Variants in SETDB1 observed in about 807,000 individuals in gnomAD.
SETDB1 encodes histone-lysine N-methyltransferase SETDB1.
Under a neutral mutation model 137.4 loss-of-function variants are expected in SETDB1, and 31 were observed. That is an observed-to-expected ratio of 0.23 (90% CI 0.17 to 0.30). The LOEUF is 0.30. Among genes scored for constraint, SETDB1 ranks in the 10% least tolerant of loss-of-function variants. SETDB1 has a pLI of 1.00. For synonymous variants in SETDB1, 548 were observed against 579.9 expected, an observed-to-expected ratio of 0.95 and a Z score of 0.79; for missense variants, 1,113 against 1,631.5, an observed-to-expected ratio of 0.68 and a Z score of 5.47.
At chr1:150,956,465 GT>G (rs1479459859) in intron 14 of SETDB1, among the ~76,000 whole-genome samples, 7 of 152,074 alleles carry the variant, frequency 4.6e-5, no homozygotes, top group Non-Finnish European at 1.0e-4. Flanking sequence ...GTTTCATGTG[GT>G]AATAATGACA....
chr1:150,952,834 C>A (rs1472279442), intron 14 of SETDB1, among the ~76,000 whole-genome samples: 1 of 152,094 alleles, frequency 6.6e-6, no homozygotes, highest in African/African-American at 2.4e-5. Context: ...TTGTGGTGAG[C>A]TAAGATCGCA....
intron 8 of SETDB1, 99 bp downstream of exon 8, chr1:150,944,092 C>T (rs756186222): frequency 1.1e-6 from 1 of 875,856 alleles, no homozygotes. Context: ...TTTGGTATTT[C>T]AGTCTCAAAG....
chr1:150,927,630 A>G, intron 1 of SETDB1, 74 bp from the exon 2 acceptor site: 3 of 1,354,574 alleles, frequency 2.2e-6, no homozygotes, highest in African/African-American at 1.4e-5. Flanking sequence ...TAGTTTTATT[A>G]GGGAACTGAA....
intron 14 of SETDB1, among the ~76,000 whole-genome samples, chr1:150,958,093 G>A (rs1223992420): frequency 6.6e-6 from 1 of 151,622 alleles, no homozygotes; most frequent in Non-Finnish European, 1.5e-5. Context: ...GGCTGAGGCA[G>A]GAGAATCACT....
At chr1:150,963,828 TTA>T in intron 20 of SETDB1, 87 bp downstream of exon 20, 8 of 1,392,990 alleles carry the variant, frequency 5.7e-6, no homozygotes, top group Non-Finnish European at 7.1e-6. Flanking sequence ...CCTTTTCTTG[TTA>T]TAAACTCTTG....
chr1:150,957,930 T>C (rs1239522184), intron 14 of SETDB1, among the ~76,000 whole-genome samples: 1 of 152,162 alleles, frequency 6.6e-6, no homozygotes, highest in Non-Finnish European at 1.5e-5. Context: ...CTCACACCTG[T>C]ACTCCCAGCC....
At chr1:150,938,124 G>A (rs1156366655) in intron 3 of SETDB1, among the ~76,000 whole-genome samples, 2 of 151,456 alleles carry the variant, frequency 1.3e-5, no homozygotes, top group African/African-American at 4.9e-5. Flanking sequence ...ATGAGACTGA[G>A]CCAGAAGAAT....
At chr1:150,945,575 T>C (rs1424103075) in intron 9 of SETDB1, among the ~76,000 whole-genome samples, 1 of 152,230 alleles carries the variant, frequency 6.6e-6, no homozygotes, top group African/African-American at 2.4e-5. Context: ...TTTAAAAACA[T>C]TTTTTAATAC....
At chr1:150,938,761 C>T (rs587643930) in intron 3 of SETDB1, among the ~76,000 whole-genome samples, 1 of 152,064 alleles carries the variant, frequency 6.6e-6, no homozygotes, top group African/African-American at 2.4e-5. Flanking sequence ...ACCTTGGCCT[C>T]CCAAAGTGCT....
chr1:150,949,042 A>T, intron 10 of SETDB1, 80 bp from the exon 11 acceptor site: 4 of 1,344,630 alleles, frequency 3.0e-6, no homozygotes, highest in Non-Finnish European at 4.1e-6. Flanking sequence ...TATATTGTAT[A>T]AGTTAAGGAT....
chr1:150,956,320 A>G (rs1670639567), intron 14 of SETDB1, among the ~76,000 whole-genome samples: 1 of 149,964 alleles, frequency 6.7e-6, no homozygotes, highest in Non-Finnish European at 1.5e-5. Flanking sequence ...CGCGAGGTGG[A>G]GGTTGCAGTG....
intron 3 of SETDB1, among the ~76,000 whole-genome samples, chr1:150,933,006 TTG>T (rs1475049967): frequency 5.3e-5 from 8 of 152,122 alleles, no homozygotes; most frequent in Non-Finnish European, 8.8e-5. Flanking sequence ...ATTAATTTTA[TTG>T]TGTTCAGAGA....
rs113822084 is a variant in SETDB1, at chr1:150,955,984, C to G, written c.2334-3194C>G. On this transcript the variant is annotated intron_variant, in intron 14 of 21. Transcript: ENST00000692827. ...GCACATGCCTGTAGTGCTAGCTACTCAGGAGGCTGAGATGGGAGAATTGGT... is the reference window on the plus strand; with the variant it reads ...GCACATGCCTGTAGTGCTAGCTACTGAGGAGGCTGAGATGGGAGAATTGGT... Among the ~76,000 whole-genome samples the G allele has an allele frequency of 8.5e-3, 1,288 of 150,818 alleles. 7 individuals carry two copies. Among genetic ancestry groups the G allele is most frequent in the Non-Finnish European group, 0.012 (811 of 67,890 alleles).
At chr1:150,948,217 G>T (rs1392606364) in intron 10 of SETDB1, among the ~76,000 whole-genome samples, 3 of 151,320 alleles carry the variant, frequency 2.0e-5, no homozygotes, top group East Asian at 3.9e-4. Flanking sequence ...TAACAAAGTG[G>T]AACACTGTCT....
At chr1:150,956,091 C>CAAAAAAAAA (rs3975893) in intron 14 of SETDB1, among the ~76,000 whole-genome samples, 1 of 101,180 alleles carries the variant, frequency 9.9e-6, no homozygotes, top group African/African-American at 4.0e-5. Flanking sequence ...GACTTCGTCT[C>CAAAAAAAAA]AAAAAAAAAA....
chr1:150,936,879 C>A (rs1669960876), intron 3 of SETDB1, among the ~76,000 whole-genome samples: 1 of 152,052 alleles, frequency 6.6e-6, no homozygotes, highest in Admixed American at 6.6e-5. Context: ...AATCTCAGCA[C>A]TTTGGGAGGC....
intron 13 of SETDB1, 53 bp from the exon 14 acceptor site, chr1:150,951,312 T>C (rs1177084201): frequency 7.4e-7 from 1 of 1,349,284 alleles, no homozygotes. Flanking sequence ...TATTGTGTTA[T>C]TTTTGTTCTC....
Position 150,939,977 on chromosome 1 carries a change from A to G in SETDB1, c.447+3A>G, listed in dbSNP as rs374239668. The G allele has an allele frequency of 8.1e-6, 13 of 1,611,620 alleles. No individual in the cohort carries two copies. The highest frequency in any genetic ancestry group is 3.3e-4 in the Middle Eastern group (2 of 6,082). Reference sequence around the variant, plus strand: ...GCAGAACTCCAAAAGACCAGAAGGTAAGTTAGGATGGTAAGGGAAGGGTGA... The same window carrying G: ...GCAGAACTCCAAAAGACCAGAAGGTGAGTTAGGATGGTAAGGGAAGGGTGA... On this transcript the variant is annotated splice_donor_region_variant and intron_variant, in intron 4 of 21. Transcript: ENST00000692827.
At chr1:150,960,502 A>C (rs1271938670) in intron 15 of SETDB1, 61 bp from the exon 16 acceptor site, 44 of 961,990 alleles carry the variant, frequency 4.6e-5, no homozygotes, top group Non-Finnish European at 5.7e-5. Flanking sequence ...AAAAGCAAAC[A>C]AAAAAAAAAA....
Sources: allele counts gnomAD v4.1 joint callset (sites outside exome capture counted in the v4.1 genomes callset), GRCh38; gene constraint gnomAD v4.1.1; transcripts MANE v1.5; gene names NCBI Gene and HGNC (gene_info 2026-07-23, HGNC 2026-07-21).